Variants in STAU1 observed in about 807,000 individuals in gnomAD.
STAU1 encodes the protein double-stranded RNA-binding protein Staufen homolog 1.
In STAU1, 13 loss-of-function variants were observed where a neutral mutation model predicts 62.9. That is an observed-to-expected ratio of 0.21 (90% CI 0.13 to 0.33). The LOEUF (loss-of-function observed/expected upper bound fraction) is 0.33, where lower values mean the gene tolerates loss of function less well. Among genes scored for constraint, STAU1 ranks in the 10% least tolerant of loss-of-function variants. The pLI is 1.00. For synonymous variants in STAU1, 269 were observed against 265.1 expected (o/e 1.01, Z -0.14); for missense variants, 571 against 712.1 (o/e 0.80, Z 2.25).
At position 49,120,113 on chromosome 20, in the gene STAU1, G is replaced by A. The variant is rs757338645; in HGVS notation, c.982C>T (p.His328Tyr). ...TTGGTGCCCGTTCCTTCTGCAGTGT[G>A]GTTTCCAACCTTCACCTGCACAAAG... Reference protein sequence around the residue: ...EFVMQVKVGNHTAEGTGTNKK... With the variant: ...EFVMQVKVGNYTAEGTGTNKK... Residue 328 changes from histidine (H) to tyrosine (Y), a missense_variant, in exon 9 of 14, where the codon CAC becomes TAC. Physicochemically the swap from His to Tyr is moderately conservative, Grantham distance 83. This residue lies in a region of STAU1 where 414 missense variants were observed against 499.6 expected (regional missense o/e 0.83). Transcript: ENST00000371856. 23 of 1,613,730 alleles carry A rather than the reference G, an allele frequency of 1.4e-5. No homozygotes were observed. The South Asian group carries it at 2.5e-4, about 18-fold the overall frequency.
At chr20:49,147,695 C>T (rs1600727914) in intron 5 of STAU1, among the ~76,000 whole-genome samples, 1 of 152,124 alleles carries the variant, frequency 6.6e-6, no homozygotes. Context: ...TGCAAACAAC[C>T]TAAATAATCA....
chr20:49,189,081 G>A (rs979574053), upstream of STAU1, among the ~76,000 whole-genome samples: 11 of 151,226 alleles, frequency 7.3e-5, no homozygotes, highest in African/African-American at 2.4e-4. Context: ...GGCGCCTGTA[G>A]GTAAACAGCT....
chr20:49,133,564 G>T (rs1359744444), intron 6 of STAU1, among the ~76,000 whole-genome samples: 1 of 152,170 alleles, frequency 6.6e-6, no homozygotes, highest in Non-Finnish European at 1.5e-5. Context: ...TCAACTGTGA[G>T]CCCAAACAGC....
chr20:49,114,584 GC>G lies in STAU1; in HGVS notation c.*293del. The G allele has an allele frequency of 2.5e-6, 1 of 397,472 alleles. No individual in the cohort carries two copies. The allele number at this position is 397,472 out of a possible 1,614,324, so 24.6% of individuals were successfully genotyped here. On this transcript the variant is annotated 3_prime_UTR_variant, in exon 14 of 14. Transcript: ENST00000371856. ...ACGGAGGTGCCCAGGGTGTGGATCT[GC>G]TGGTGTCCCGGGAGAACCAGCTGGC...
chr20:49,190,316 G>A (rs1046453326), upstream of STAU1, among the ~76,000 whole-genome samples: 6 of 151,820 alleles, frequency 4.0e-5, no homozygotes, highest in Non-Finnish European at 5.9e-5. Flanking sequence ...ACAGGGTCTC[G>A]CTCTGTCACC....
the STAU1 span, among the ~76,000 whole-genome samples, chr20:49,198,879 C>A: frequency 6.6e-6 from 1 of 152,116 alleles, no homozygotes; most frequent in Non-Finnish European, 1.5e-5. Context: ...AGGAAAATCG[C>A]TTGAACCCAG....
chr20:49,178,819 A>G (rs918772172), intron 1 of STAU1, among the ~76,000 whole-genome samples: 13 of 151,354 alleles, frequency 8.6e-5, no homozygotes, highest in African/African-American at 2.7e-4. Flanking sequence ...CACGCCTGTA[A>G]TCCCAGCACT....
intron 6 of STAU1, among the ~76,000 whole-genome samples, chr20:49,134,156 G>A (rs1258754012): frequency 6.6e-6 from 1 of 152,148 alleles, no homozygotes; most frequent in African/African-American, 2.4e-5. Flanking sequence ...ACTGGGCCGG[G>A]CAAGGTGGCT....
chr20:49,134,224 G>A (rs991544927), intron 6 of STAU1, among the ~76,000 whole-genome samples: 3 of 151,988 alleles, frequency 2.0e-5, no homozygotes, highest in African/African-American at 4.8e-5. Context: ...CTGAGGTTAG[G>A]AGTTCGAGAC....
intron 1 of STAU1, among the ~76,000 whole-genome samples, chr20:49,183,602 C>T (rs1321198334): frequency 6.6e-6 from 1 of 152,204 alleles, no homozygotes; most frequent in Non-Finnish European, 1.5e-5. Flanking sequence ...CAAACTGAGA[C>T]TACCTTGTGG....
At chr20:49,115,370 G>A (rs1272045048) in intron 13 of STAU1, among the ~76,000 whole-genome samples, 3 of 151,864 alleles carry the variant, frequency 2.0e-5, no homozygotes, top group Non-Finnish European at 2.9e-5. Context: ...GCGCTATGTC[G>A]GCTCACTGCA....
intron 1 of STAU1, among the ~76,000 whole-genome samples, chr20:49,180,317 TTC>T (rs1262158421): frequency 1.2e-5 from 1 of 82,114 alleles, no homozygotes. Context: ...TGGACTACAG[TTC>T]TTTTTTTTTT....
chr20:49,114,858 G>A lies in STAU1; in HGVS notation c.*20C>T. ...AGTATATATGTTGGGATTTTATAAT[G>A]GTTCATGGCCAGAAAAGGTTCAGCA... On this transcript the variant is annotated 3_prime_UTR_variant, in exon 14 of 14. Coordinates refer to ENST00000371856, the MANE Select transcript of STAU1 (RefSeq NM_017453.4). The A allele has an allele frequency of 6.2e-7, 1 of 1,612,652 alleles. No homozygotes were observed. The highest frequency in any genetic ancestry group is 1.1e-5 in the South Asian group (1 of 90,948).
At position 49,178,676 on chromosome 20, in the gene STAU1, G is replaced by A. The variant is rs567544891; in HGVS notation, c.-159-4407C>T. Reference sequence around the variant, plus strand: ...TGAGGCTGAACAATCACTTGAACCCGGGAGGCAGAGGTTGCAGTGAACTGA... The same window carrying A: ...TGAGGCTGAACAATCACTTGAACCCAGGAGGCAGAGGTTGCAGTGAACTGA... On this transcript the variant is annotated intron_variant, in intron 1 of 13. Coordinates refer to ENST00000371856, the MANE Select transcript of STAU1 (RefSeq NM_017453.4). Among the ~76,000 whole-genome samples, 7 of 152,176 alleles carry A rather than the reference G, an allele frequency of 4.6e-5. No homozygotes were observed. The South Asian group carries it at 6.2e-4, about 14-fold the overall frequency.
chr20:49,135,039 C>G, intron 6 of STAU1: 1 of 1,504,768 alleles, frequency 6.6e-7, no homozygotes, highest in Non-Finnish European at 9.2e-7. Context: ...CAGCCGCCAT[C>G]TCCAGAGCCC....
At chr20:49,176,845 T>A (rs2093665403) in intron 1 of STAU1, among the ~76,000 whole-genome samples, 1 of 152,020 alleles carries the variant, frequency 6.6e-6, no homozygotes, top group African/African-American at 2.4e-5. Context: ...TTTTTGTAAG[T>A]TTGGGTGTCT....
At chr20:49,118,835 C>A (rs2092395306) in intron 9 of STAU1, among the ~76,000 whole-genome samples, 1 of 152,146 alleles carries the variant, frequency 6.6e-6, no homozygotes, top group Non-Finnish European at 1.5e-5. Flanking sequence ...AGGTGACATT[C>A]CAAAATTAAC....
the STAU1 span, among the ~76,000 whole-genome samples, chr20:49,216,007 C>CAAAAAAAAAAAAAAAAAAAAAAAA: frequency 2.5e-4 from 9 of 36,454 alleles, no homozygotes; most frequent in Non-Finnish European, 3.6e-4. Flanking sequence ...GACTATGTCT[C>CAAAAAAAAAAAAAAAAAAAAAAAA]AAAAAAAAAA....
At chr20:49,162,051 C>T (rs976991715) in intron 3 of STAU1, among the ~76,000 whole-genome samples, 2 of 152,170 alleles carry the variant, frequency 1.3e-5, no homozygotes. Context: ...CAGCTGTACC[C>T]CGCCCATTAT....
Sources: allele counts gnomAD v4.1 joint callset (sites outside exome capture counted in the v4.1 genomes callset), GRCh38; gene constraint gnomAD v4.1.1; regional missense constraint gnomAD v4.1.1; transcripts MANE v1.5; gene names NCBI Gene and HGNC (gene_info 2026-07-23, HGNC 2026-07-21).